KCNH5: variants seen among roughly 807,000 people sequenced by gnomAD.
The protein encoded by KCNH5 is potassium voltage-gated channel subfamily H member 5.
KCNH5 carries 46 observed loss-of-function variants against 96.1 expected under a neutral mutation model. The ratio of observed to expected loss-of-function variants is 0.48; its 90% CI spans 0.38 to 0.61. The LOEUF (loss-of-function observed/expected upper bound fraction) is 0.61, where lower values mean the gene tolerates loss of function less well. KCNH5 is among the 20% of genes least tolerant of loss of function. The pLI is 0.00. For synonymous variants in KCNH5, 439 were observed against 449.8 expected, an observed-to-expected ratio of 0.98 and a Z score of 0.30; for missense variants, 907 against 1,225.8, an observed-to-expected ratio of 0.74 and a Z score of 3.88.
At chr14:62,793,393 C>T (rs1886474893) in intron 9 of KCNH5, among the ~76,000 whole-genome samples, 1 of 151,704 alleles carries the variant, frequency 6.6e-6, no homozygotes, top group African/African-American at 2.4e-5. Context: ...AGAGTGTTTG[C>T]ATATACACAG....
rs191335594 is a variant in KCNH5, at chr14:62,773,037, C to T, written c.2019+6691G>A. 2.0e-5 allele frequency among the ~76,000 whole-genome samples: 3 copies of T among 152,272 alleles called. No individual in the cohort carries two copies. The East Asian group carries it at 5.8e-4, about 29-fold the overall frequency. ...TCTATGAATCACATGCAAATTGATGCCACATATTATCCTTCCCTATTAAAA... is the reference window on the plus strand; with the variant it reads ...TCTATGAATCACATGCAAATTGATGTCACATATTATCCTTCCCTATTAAAA... On this transcript the variant is annotated intron_variant, in intron 10 of 10. Transcript: ENST00000322893.
At chr14:62,955,228 T>G (rs1217036648) in intron 6 of KCNH5, among the ~76,000 whole-genome samples, 1 of 152,130 alleles carries the variant, frequency 6.6e-6, no homozygotes, top group Non-Finnish European at 1.5e-5. Flanking sequence ...AATCCTAATG[T>G]GGGTAACCTG....
chr14:62,986,933 A>G (rs542484550), intron 5 of KCNH5, 139 bp downstream of exon 5: 86 of 634,774 alleles, frequency 1.4e-4, no homozygotes, highest in African/African-American at 1.3e-3. Context: ...TGGGATTTCT[A>G]TATTTCTACA....
chr14:62,825,041 T>C (rs1480279851), intron 8 of KCNH5, among the ~76,000 whole-genome samples: 1 of 152,104 alleles, frequency 6.6e-6, no homozygotes, highest in East Asian at 1.9e-4. Context: ...ATGTCTTTGC[T>C]ATTGTGAACA....
intron 10 of KCNH5, among the ~76,000 whole-genome samples, chr14:62,755,546 G>A (rs981570837): frequency 6.6e-6 from 1 of 152,102 alleles, no homozygotes. Context: ...CTTAAAAATA[G>A]AGGCAGAAGG....
chr14:62,975,117 A>G (rs1890476124), intron 6 of KCNH5, among the ~76,000 whole-genome samples: 1 of 152,194 alleles, frequency 6.6e-6, no homozygotes, highest in Non-Finnish European at 1.5e-5. Context: ...CAAAGTCTCA[A>G]AACAAACATG....
At chr14:62,927,428 T>C (rs923600430) in intron 7 of KCNH5, among the ~76,000 whole-genome samples, 3 of 152,142 alleles carry the variant, frequency 2.0e-5, no homozygotes, top group African/African-American at 7.2e-5. Context: ...CAAGGAGATA[T>C]TTAGACACCC....
chr14:62,809,879 C>T (rs1242095243), intron 8 of KCNH5, among the ~76,000 whole-genome samples: 2 of 152,166 alleles, frequency 1.3e-5, no homozygotes, highest in Middle Eastern at 3.4e-3. Flanking sequence ...TGTGAACCAA[C>T]CAATGATCTC....
At chr14:62,922,274 G>T (rs1889394527) in intron 7 of KCNH5, among the ~76,000 whole-genome samples, 1 of 151,848 alleles carries the variant, frequency 6.6e-6, no homozygotes, top group Admixed American at 6.6e-5. Context: ...ATCTTTATCT[G>T]TATGTGTATC....
At chr14:62,746,179 T>C (rs1409767960) in intron 10 of KCNH5, among the ~76,000 whole-genome samples, 1 of 152,236 alleles carries the variant, frequency 6.6e-6, no homozygotes, top group Non-Finnish European at 1.5e-5. Context: ...TAAACAATTC[T>C]AGCCTCTTTC....
chr14:62,749,793 TAG>T (rs1172888355), intron 10 of KCNH5, among the ~76,000 whole-genome samples: 1 of 152,160 alleles, frequency 6.6e-6, no homozygotes, highest in Non-Finnish European at 1.5e-5. Context: ...GAGTCCTCTT[TAG>T]AGTTTGATTG....
chr14:62,758,199 A>G (rs2139952438), intron 10 of KCNH5, among the ~76,000 whole-genome samples: 1 of 152,222 alleles, frequency 6.6e-6, no homozygotes, highest in African/African-American at 2.4e-5. Flanking sequence ...TTGATGGCAC[A>G]ACAGGGTGAC....
intron 10 of KCNH5, among the ~76,000 whole-genome samples, chr14:62,741,242 G>C (rs1016517091): frequency 6.6e-6 from 1 of 152,090 alleles, no homozygotes; most frequent in Non-Finnish European, 1.5e-5. Flanking sequence ...TTAAAAAGAC[G>C]ATACTATATT....
intron 9 of KCNH5, among the ~76,000 whole-genome samples, chr14:62,787,552 A>G (rs923365904): frequency 6.6e-6 from 1 of 152,242 alleles, no homozygotes; most frequent in Admixed American, 6.5e-5. Flanking sequence ...CAGATTTTTA[A>G]TGCAGATGAA....
intron 2 of KCNH5, among the ~76,000 whole-genome samples, chr14:63,016,287 C>A (rs1891325335): frequency 6.6e-6 from 1 of 151,896 alleles, no homozygotes; most frequent in African/African-American, 2.4e-5. Context: ...ACAGAAATGG[C>A]ATATTTGTTT....
At position 62,708,585 on chromosome 14, in the gene KCNH5, G is replaced by T. The variant is rs548151562; in HGVS notation, c.2020-130C>A. The T allele has an allele frequency of 1.8e-4, 99 of 560,754 alleles. 1 individual carries two copies. The South Asian group carries it at 2.5e-3, about 14-fold the overall frequency. 34.7% of individuals were successfully genotyped at this position (560,754 alleles called of 1,614,324 possible). A position where few individuals can be genotyped will look rare whatever the true frequency, so the allele number is the denominator to read the frequency against. Reference sequence around the variant, plus strand: ...AATATTTGATAAGATTATTTCTCAAGAAAAAAAAATTTAAATACCATTTAT... The same window carrying T: ...AATATTTGATAAGATTATTTCTCAATAAAAAAAAATTTAAATACCATTTAT... On this transcript the variant is annotated intron_variant, in intron 10 of 10. Coordinates refer to ENST00000322893, the MANE Select transcript of KCNH5 (RefSeq NM_139318.5).
chr14:62,915,493 A>G (rs1024618324), intron 7 of KCNH5, among the ~76,000 whole-genome samples: 2 of 152,210 alleles, frequency 1.3e-5, no homozygotes, highest in Non-Finnish European at 2.9e-5. Context: ...CACATATAAT[A>G]TTTAAACAAG....
chr14:62,750,167 C>T (rs903008132), intron 10 of KCNH5, among the ~76,000 whole-genome samples: 2 of 152,180 alleles, frequency 1.3e-5, no homozygotes. Context: ...GAGGTGAAGA[C>T]TGGTTATTTG....
At chr14:62,973,662 C>T (rs1168132984) in intron 6 of KCNH5, among the ~76,000 whole-genome samples, 1 of 152,022 alleles carries the variant, frequency 6.6e-6, no homozygotes, top group African/African-American at 2.4e-5. Context: ...TGGTATTTTG[C>T]TATGGCAGCA....
Sources: allele counts gnomAD v4.1 joint callset (sites outside exome capture counted in the v4.1 genomes callset), GRCh38; gene constraint gnomAD v4.1.1; transcripts MANE v1.5; gene names NCBI Gene and HGNC (gene_info 2026-07-23, HGNC 2026-07-21).